The following LRSAM1 variants were observed in gnomAD, a reference collection of about 807,000 sequenced individuals.
The protein encoded by LRSAM1 is E3 ubiquitin-protein ligase LRSAM1.
In LRSAM1, 96 loss-of-function variants were observed where a neutral mutation model predicts 118.1. The ratio of observed to expected loss-of-function variants is 0.81; its 90% confidence interval spans 0.69 to 0.96. The LOEUF (loss-of-function observed/expected upper bound fraction) is 0.96, where lower values mean the gene tolerates loss of function less well. Ranked by LOEUF, LRSAM1 falls within the 40% of genes least tolerant of loss-of-function variation. LRSAM1 has a pLI of 0.00. For synonymous variants in LRSAM1, 322 were observed against 364.2 expected (o/e 0.88, Z 1.32); for missense variants, 804 against 915.5 (o/e 0.88, Z 1.57).
At chr9:127,493,325 G>C (rs928375593) in intron 21 of LRSAM1, among the ~76,000 whole-genome samples, 1 of 152,184 alleles carries the variant, frequency 6.6e-6, no homozygotes, top group Admixed American at 6.5e-5. Context: ...GCCTCCGAAA[G>C]TGCTGGTTTT....
chr9:127,484,835 G>A (rs1260237262), intron 16 of LRSAM1, among the ~76,000 whole-genome samples: 16 of 140,760 alleles, frequency 1.1e-4, no homozygotes, highest in African/African-American at 4.0e-4. Flanking sequence ...TTGAGATAGG[G>A]TCTTGCTCTG....
intron 11 of LRSAM1, among the ~76,000 whole-genome samples, chr9:127,476,190 G>A (rs981013505): frequency 1.3e-5 from 2 of 152,194 alleles, no homozygotes; most frequent in Admixed American, 1.3e-4. Flanking sequence ...ATGTTTGTCA[G>A]TGAGAAGGCA....
At chr9:127,499,258 C>T (rs1030532289) in intron 24 of LRSAM1, among the ~76,000 whole-genome samples, 2 of 151,980 alleles carry the variant, frequency 1.3e-5, no homozygotes, top group African/African-American at 4.8e-5. Context: ...ACCTTAGTTC[C>T]AGCTACTCGG....
intron 15 of LRSAM1, 43 bp from the exon 16 acceptor site, chr9:127,482,907 G>A: frequency 1.3e-6 from 2 of 1,537,278 alleles, no homozygotes; most frequent in Non-Finnish European, 1.8e-6. Flanking sequence ...TTCCCTGTTG[G>A]AAATGTTAAA....
intron 17 of LRSAM1, 199 bp from the exon 18 acceptor site, chr9:127,487,477 C>T (rs1835774950): frequency 1.3e-5 from 7 of 549,360 alleles, no homozygotes; most frequent in Admixed American, 5.2e-5. Flanking sequence ...GCTCCCAACT[C>T]GATCCCCTTC....
At chr9:127,477,730 A>AGAGT (rs1421733596) in intron 11 of LRSAM1, among the ~76,000 whole-genome samples, 1 of 148,378 alleles carries the variant, frequency 6.7e-6, no homozygotes, top group Non-Finnish European at 1.5e-5. Context: ...AGCGTGGGCA[A>AGAGT]GAGTGAGACT....
chr9:127,484,689 G>A (rs748384913), intron 16 of LRSAM1, among the ~76,000 whole-genome samples: 1 of 151,976 alleles, frequency 6.6e-6, no homozygotes, highest in African/African-American at 2.4e-5. Context: ...TCATCTATCA[G>A]TGGGAATGTG....
At chr9:127,481,277 G>A (rs753583894) in intron 15 of LRSAM1, 50 bp downstream of exon 15, 34 of 1,555,356 alleles carry the variant, frequency 2.2e-5, no homozygotes, top group South Asian at 7.8e-5. Flanking sequence ...TTTTTGAGAC[G>A]GAGTCCTGCA....
At position 127,492,954 on chromosome 9, in the gene LRSAM1, A is replaced by G. The variant is rs549846462; in HGVS notation, c.1599+57A>G. 1.0e-5 allele frequency: 15 copies of G among 1,466,852 alleles called. No individual in the cohort carries two copies. The South Asian group carries it at 1.0e-4, about 10-fold the overall frequency. 90.9% of individuals were successfully genotyped at this position (1,466,852 alleles called of 1,614,324 possible). A position where few individuals can be genotyped will look rare whatever the true frequency, so the allele number is the denominator to read the frequency against. ...ACAGGCATTTGCTTTTCTTTAACAG[A>G]CTTGCCATTTTTAGAAACACCTGTT... On this transcript the variant is annotated intron_variant, in intron 21 of 25. Coordinates refer to ENST00000300417, the MANE Select transcript of LRSAM1 (RefSeq NM_001005373.4).
chr9:127,471,268 C>T (rs1190400551), intron 10 of LRSAM1, among the ~76,000 whole-genome samples: 1 of 151,596 alleles, frequency 6.6e-6, no homozygotes. Context: ...CGCTTGAGCC[C>T]AGGAGTTCAA....
chr9:127,457,014 C>G (rs1397188857), intron 5 of LRSAM1, among the ~76,000 whole-genome samples: 3 of 152,192 alleles, frequency 2.0e-5, no homozygotes, highest in African/African-American at 7.2e-5. Context: ...TCTCTATTTT[C>G]CACGTGAAGA....
rs1000915796 is a variant in LRSAM1, at chr9:127,471,200, C to T, written c.620-2601C>T. 1.7e-4 allele frequency among the ~76,000 whole-genome samples: 26 copies of T among 151,888 alleles called. 1 individual carries two copies. The highest frequency in any genetic ancestry group is 3.2e-4 in the Non-Finnish European group (22 of 67,922). ...ATTTTCTTTAAAAAGATTTTGGGGCCGAACAAGGTGGCTCACGCCTGTAAT... is the reference window on the plus strand; with the variant it reads ...ATTTTCTTTAAAAAGATTTTGGGGCTGAACAAGGTGGCTCACGCCTGTAAT... On this transcript the variant is annotated intron_variant, in intron 10 of 25. Coordinates refer to ENST00000300417, the MANE Select transcript of LRSAM1 (RefSeq NM_001005373.4).
intron 9 of LRSAM1, 127 bp downstream of exon 9, chr9:127,462,500 C>A: frequency 6.8e-7 from 1 of 1,471,128 alleles, no homozygotes; most frequent in Non-Finnish European, 9.5e-7. Context: ...AGGCATGGTC[C>A]TTGGAGGCTT....
At chr9:127,496,210 G>T (rs553162828) in intron 23 of LRSAM1, 115 bp downstream of exon 23, 4 of 1,458,436 alleles carry the variant, frequency 2.7e-6, no homozygotes, top group Admixed American at 4.1e-5. Context: ...TTACCTAATG[G>T]CCCAGGGCCA....
At position 127,454,509 on chromosome 9, in the gene LRSAM1, G is replaced by T. The variant is rs776922280; in HGVS notation, c.-19G>T. 3 of 1,614,028 alleles carry T rather than the reference G, an allele frequency of 1.9e-6. No homozygotes were observed. The highest frequency in any genetic ancestry group is 8.5e-7 in the Non-Finnish European group (1 of 1,179,976). The stretch of plus-strand genomic sequence containing the variant: ...CCTGTGCCCCAGGGTCCTAAAGATC[G>T]CTCTGGGAAAAGGGAAGGATGCCGC... On this transcript the variant is annotated 5_prime_UTR_variant, in exon 3 of 26. Transcript: ENST00000300417.
chr9:127,484,187 T>TTG (rs1323436994), intron 16 of LRSAM1, among the ~76,000 whole-genome samples: 10 of 152,100 alleles, frequency 6.6e-5, no homozygotes, highest in Non-Finnish European at 1.3e-4. Context: ...ATTTCTCCTT[T>TTG]TGTGTCTACC....
chr9:127,491,314 C>G lies in LRSAM1; in HGVS notation c.1503+19C>G. 2 of 1,601,072 alleles carry G rather than the reference C, an allele frequency of 1.2e-6. No individual in the cohort carries two copies. The highest frequency in any genetic ancestry group is 1.7e-6 in the Non-Finnish European group (2 of 1,169,034). The stretch of plus-strand genomic sequence containing the variant: ...ACTCCAGGTATGTAGGGCTCCCTGC[C>G]CCTGCCCTCCTTCACGTGGTGAGAC... On this transcript the variant is annotated intron_variant, in intron 20 of 25. Transcript: ENST00000300417.
intron 20 of LRSAM1, among the ~76,000 whole-genome samples, chr9:127,492,097 T>A (rs990027752): frequency 1.3e-5 from 2 of 152,238 alleles, no homozygotes; most frequent in Non-Finnish European, 2.9e-5. Context: ...ATCCCTGGTC[T>A]CAGGTGCACC....
At position 127,489,516 on chromosome 9, in the gene LRSAM1, C is replaced by T; in HGVS notation, c.1420C>T (p.Gln474Ter). The T allele has an allele frequency of 6.2e-7, 1 of 1,607,000 alleles. No individual in the cohort carries two copies. Among genetic ancestry groups the T allele is most frequent in the Non-Finnish European group, 8.5e-7 (1 of 1,177,702 alleles). ...CCTGATGCATCGGCAGATCAGGAGC[C>T]AGGTGAGCGCTGGGGCTGGGGTCCC... ...KDLMHRQIRS[Q>*]IKLIETELLQ... is the part of the protein sequence containing the mutation. Residue 474 changes from glutamine (Q) to a stop codon, truncating the protein, a stop_gained and splice_region_variant, in exon 19 of 26, where the codon CAG becomes TAG. Coordinates refer to ENST00000300417, the MANE Select transcript of LRSAM1 (RefSeq NM_001005373.4). LOFTEE classifies it high-confidence loss of function.
Sources: allele counts gnomAD v4.1 joint callset (sites outside exome capture counted in the v4.1 genomes callset), GRCh38; gene constraint gnomAD v4.1.1; transcripts MANE v1.5; gene names NCBI Gene and HGNC (gene_info 2026-07-23, HGNC 2026-07-21).